The following ECT2 variants were observed in gnomAD, a reference collection of about 807,000 sequenced individuals.
The protein encoded by ECT2 is protein ECT2.
In ECT2, 61 loss-of-function variants were observed where a neutral mutation model predicts 116.9. The observed-to-expected ratio is 0.52, with a 90% confidence interval of 0.42 to 0.65. The LOEUF (loss-of-function observed/expected upper bound fraction) is 0.65. Among genes scored for constraint, ECT2 ranks in the 30% least tolerant of loss-of-function variants. The pLI is 0.00. For synonymous variants in ECT2, 358 were observed against 346.4 expected (o/e 1.03, Z -0.37); for missense variants, 937 against 1,078.7 (o/e 0.87, Z 1.84).
At position 172,817,257 on chromosome 3, in the gene ECT2, G is replaced by A. The variant is rs554997389; in HGVS notation, c.2655+420G>A. 7.9e-5 allele frequency among the ~76,000 whole-genome samples: 12 copies of A among 152,166 alleles called. No homozygotes were observed. The East Asian group carries it at 9.7e-4, about 12-fold the overall frequency. ...TTTAAACCTTGGCATCCTATCATAC[G>A]TCATTTTTTAAATATTTATATCCAA... On this transcript the variant is annotated intron_variant, in intron 24 of 24. Transcript: ENST00000392692.
At chr3:172,761,396 A>G (rs1484599701) in intron 7 of ECT2, among the ~76,000 whole-genome samples, 1 of 152,208 alleles carries the variant, frequency 6.6e-6, no homozygotes, top group African/African-American at 2.4e-5. Context: ...TATTTAAAAT[A>G]AGGAAACAGT....
At chr3:172,761,724 A>C in intron 8 of ECT2, 41 bp downstream of exon 8, 7 of 1,387,914 alleles carry the variant, frequency 5.0e-6, no homozygotes, top group Non-Finnish European at 7.0e-6. Context: ...TGTAAATTAA[A>C]CATTCTGGTT....
In ECT2 at chr3:172,796,294, T is replaced by C. The variant is rs529576766; in HGVS notation, c.1908-6322T>C. 7 of 152,330 alleles carry C rather than the reference T, an allele frequency of 4.6e-5. No homozygotes were observed. The South Asian group carries it at 8.3e-4, about 18-fold the overall frequency. 9.4% of individuals were successfully genotyped at this position (152,330 alleles called of 1,614,324 possible). ...TTGATGGGGTTGGAAAGGATTTCTT[T>C]GTAAGTTTTTTCTAAAAATTAAACA... On this transcript the variant is annotated intron_variant, in intron 18 of 24. Coordinates refer to ENST00000392692, the MANE Select transcript of ECT2 (RefSeq NM_001258315.2).
intron 14 of ECT2, among the ~76,000 whole-genome samples, chr3:172,779,054 C>T (rs1186799872): frequency 1.3e-5 from 2 of 152,172 alleles, no homozygotes; most frequent in Non-Finnish European, 2.9e-5. Flanking sequence ...ACTTGTAAAG[C>T]ATTTAGAGGA....
Position 172,820,192 on chromosome 3 carries a change from AAGG to A in ECT2, c.2703_2705del (p.Arg902del), listed in dbSNP as rs778512253. 35 of 1,610,526 alleles carry A rather than the reference AAGG, an allele frequency of 2.2e-5. No individual in the cohort carries two copies. The highest frequency in any genetic ancestry group is 2.8e-5 in the Non-Finnish European group (33 of 1,177,962). On this transcript the variant is annotated inframe_deletion, in exon 25 of 25. Coordinates refer to ENST00000392692, the MANE Select transcript of ECT2 (RefSeq NM_001258315.2). Reference sequence around the variant, plus strand: ...TTGTCAGCCTTCCTTCCTTCTTTGAAAGGAGAAGTCATACGTTAAGTAGATCTA... The same window carrying A: ...TTGTCAGCCTTCCTTCCTTCTTTGAAAGAAGTCATACGTTAAGTAGATCTA...
At chr3:172,800,932 T>C (rs1726599298) in intron 18 of ECT2, among the ~76,000 whole-genome samples, 1 of 152,218 alleles carries the variant, frequency 6.6e-6, no homozygotes, top group Non-Finnish European at 1.5e-5. Context: ...TTGTGTTAAA[T>C]GCAGAATTTT....
At chr3:172,801,780 G>T (rs1020817462) in intron 18 of ECT2, among the ~76,000 whole-genome samples, 1 of 152,208 alleles carries the variant, frequency 6.6e-6, no homozygotes, top group African/African-American at 2.4e-5. Flanking sequence ...TGGATGTTAA[G>T]TGTCTTGAGA....
chr3:172,797,734 G>A (rs1341381013), intron 18 of ECT2, among the ~76,000 whole-genome samples: 1 of 152,096 alleles, frequency 6.6e-6, no homozygotes, highest in Non-Finnish European at 1.5e-5. Context: ...TAAGAAACAG[G>A]TTTTATGTTT....
intron 1 of ECT2, among the ~76,000 whole-genome samples, chr3:172,751,644 T>C (rs191192790): frequency 4.2e-4 from 64 of 152,314 alleles, no homozygotes; most frequent in Non-Finnish European, 1.5e-4. Context: ...CCTTGGAAGA[T>C]GATTGCCTAA....
At chr3:172,816,887 A>G (rs1729817446) in intron 24 of ECT2, 50 bp downstream of exon 24, 1 of 1,389,696 alleles carries the variant, frequency 7.2e-7, no homozygotes, top group Non-Finnish European at 9.6e-7. Flanking sequence ...TGAAGTTGTT[A>G]TGGAATTTGT....
chr3:172,806,547 C>T (rs1363487394), intron 21 of ECT2, among the ~76,000 whole-genome samples: 1 of 149,340 alleles, frequency 6.7e-6, no homozygotes, highest in East Asian at 1.9e-4. Context: ...TAGCTCTTTC[C>T]ATTACTGATT....
At chr3:172,792,515 A>G (rs1190573324) in intron 18 of ECT2, among the ~76,000 whole-genome samples, 5 of 149,980 alleles carry the variant, frequency 3.3e-5, no homozygotes, top group South Asian at 2.1e-4. Context: ...GCTTATTTCA[A>G]TAGTTACTTT....
chr3:172,800,962 A>G (rs1397749840), intron 18 of ECT2, among the ~76,000 whole-genome samples: 1 of 152,242 alleles, frequency 6.6e-6, no homozygotes, highest in Admixed American at 6.5e-5. Context: ...AGGCTAACAA[A>G]AAATGATAAC....
At chr3:172,804,465 C>T (rs971006403) in intron 20 of ECT2, among the ~76,000 whole-genome samples, 1 of 152,138 alleles carries the variant, frequency 6.6e-6, no homozygotes, top group African/African-American at 2.4e-5. Context: ...ACCTGTTTCC[C>T]TCATAAAAAG....
the ECT2 span, chr3:172,828,735 G>A: frequency 1.5e-5 from 8 of 528,800 alleles, no homozygotes; most frequent in Non-Finnish European, 1.0e-5. Flanking sequence ...GGAGCCTCAC[G>A]TGGCGAAGAG....
intron 14 of ECT2, among the ~76,000 whole-genome samples, chr3:172,779,771 A>G (rs770382853): frequency 2.0e-5 from 3 of 152,092 alleles, no homozygotes; most frequent in Non-Finnish European, 4.4e-5. Flanking sequence ...CTGTGGTGGC[A>G]CATGCCAGTA....
chr3:172,805,595 T>G lies in ECT2; in HGVS notation c.2107-136T>G, dbSNP rs559675633. 42 of 848,530 alleles carry G rather than the reference T, an allele frequency of 4.9e-5. No individual in the cohort carries two copies. The East Asian group carries it at 1.1e-3, about 22-fold the overall frequency. 52.6% of individuals were successfully genotyped at this position (848,530 alleles called of 1,614,324 possible). The stretch of plus-strand genomic sequence containing the variant: ...GACTTTTGTTACATAGTAACTCTGC[T>G]TATAACAACTTTGTAACGAATAATA... On this transcript the variant is annotated intron_variant, in intron 20 of 24. Transcript: ENST00000392692.
At chr3:172,760,298 A>G in intron 7 of ECT2, 35 bp downstream of exon 7, 1 of 1,352,114 alleles carries the variant, frequency 7.4e-7, no homozygotes, top group South Asian at 1.2e-5. Flanking sequence ...GTATTTCAAT[A>G]CAGCATTATT....
At chr3:172,766,162 T>C (rs1261011607) in intron 12 of ECT2, among the ~76,000 whole-genome samples, 1 of 152,180 alleles carries the variant, frequency 6.6e-6, no homozygotes, top group African/African-American at 2.4e-5. Context: ...GAACTGAAAG[T>C]GAATTCAAGG....
Sources: allele counts gnomAD v4.1 joint callset (sites outside exome capture counted in the v4.1 genomes callset), GRCh38; gene constraint gnomAD v4.1.1; transcripts MANE v1.5; gene names NCBI Gene and HGNC (gene_info 2026-07-23, HGNC 2026-07-21).